TULP4: variants seen among roughly 807,000 people sequenced by gnomAD.
TULP4 encodes the protein tubby-related protein 4.
Under a neutral mutation model 129.0 loss-of-function variants are expected in TULP4, and 16 were observed. The ratio of observed to expected loss-of-function variants is 0.12; its 90% CI spans 0.08 to 0.19. The LOEUF (loss-of-function observed/expected upper bound fraction) is 0.19. Ranked by LOEUF, TULP4 falls within the 10% of genes least tolerant of loss-of-function variation. The pLI is 1.00. For missense variants in TULP4, 1,842 were observed against 2,059.1 expected (o/e 0.89, Z 2.04); for synonymous variants, 998 against 854.0 (o/e 1.17, Z -2.94).
At chr6:158,316,353 G>T (rs975153030) in intron 1 of TULP4, among the ~76,000 whole-genome samples, 1 of 152,160 alleles carries the variant, frequency 6.6e-6, no homozygotes, top group East Asian at 1.9e-4. Flanking sequence ...CAAAGTGGTT[G>T]TACTATTTAC....
Position 158,288,859 on chromosome 6 carries a change from C to G in TULP4, n.116+6481C>G, listed in dbSNP as rs574630063. Among the ~76,000 whole-genome samples, 6 of 152,258 alleles carry G rather than the reference C, an allele frequency of 3.9e-5. No individual in the cohort carries two copies. The South Asian group carries it at 1.2e-3, about 32-fold the overall frequency. ...TATTGCAATAATCTTTTTCCCTGCT[C>G]TTTACTCTTTTAGTATGATGAATTA... On this transcript the variant is annotated intron_variant and non_coding_transcript_variant, in intron 1 of 1. Transcript: ENST00000432358.
At chr6:158,464,613 C>T (rs1370368375) in intron 6 of TULP4, among the ~76,000 whole-genome samples, 3 of 152,190 alleles carry the variant, frequency 2.0e-5, no homozygotes, top group Non-Finnish European at 4.4e-5. Context: ...GTTGACCAGG[C>T]TGGTCTCCAA....
chr6:158,237,373 T>G, intron 1 of TULP4: 1 of 1,612,592 alleles, frequency 6.2e-7, no homozygotes, highest in Non-Finnish European at 8.5e-7. Flanking sequence ...CTTTTTCTGT[T>G]GCTGTTTCTT....
At chr6:158,379,613 A>C (rs1480590389) in intron 1 of TULP4, among the ~76,000 whole-genome samples, 1 of 152,188 alleles carries the variant, frequency 6.6e-6, no homozygotes. Flanking sequence ...TAACCTCAAC[A>C]ACTGTATCAG....
rs372708318 is a variant in TULP4, at chr6:158,445,071, C to T, written c.544-3925C>T. Reference sequence around the variant, plus strand: ...TCAAGTGATCCTCCCATCTCAGGTTCTCAAAGTGCTGGGATTACAGGTGTG... The same window carrying T: ...TCAAGTGATCCTCCCATCTCAGGTTTTCAAAGTGCTGGGATTACAGGTGTG... On this transcript the variant is annotated intron_variant, in intron 3 of 13. Transcript: ENST00000367097. Among the ~76,000 whole-genome samples the T allele has an allele frequency of 7.9e-5, 12 of 152,312 alleles. No homozygotes were observed. In the South Asian group the frequency reaches 1.2e-3, roughly 16 times the overall value.
Position 158,461,585 on chromosome 6 carries a change from A to G in TULP4, c.882A>G (p.Thr294=). 6.2e-7 allele frequency: 1 copy of G among 1,613,714 alleles called. No homozygotes were observed. The highest frequency in any genetic ancestry group is 8.5e-7 in the Non-Finnish European group (1 of 1,179,850). ...CAGAGGTGGTAGCCCAGTGGTGCAC[A>G]CAGGGGGACTTGCTGGCAGTCGCTG... is the stretch of plus-strand genomic sequence containing the variant. ...GLKEVVAQWC[T]QGDLLAVAGM... Residue 294 remains threonine, a synonymous_variant, in exon 6 of 14, where the codon ACA becomes ACG. Coordinates refer to ENST00000367097, the MANE Select transcript of TULP4 (RefSeq NM_020245.5).
At position 158,261,746 on chromosome 6, in the gene TULP4, T is replaced by C. The variant is rs544481267; in HGVS notation, n.68+29443T>C. Among the ~76,000 whole-genome samples the C allele has an allele frequency of 7.9e-5, 12 of 152,286 alleles. No individual in the cohort carries two copies. The South Asian group carries it at 1.2e-3, about 16-fold the overall frequency. On this transcript the variant is annotated intron_variant and non_coding_transcript_variant, in intron 1 of 1. Transcript: ENST00000620026. ...GGCTGGTGGGCGTGGGCTGGTTGCA[T>C]GGCTCCTGCTGATCAGGGTTCCAGG...
At chr6:158,358,825 G>A (rs1780703990) in intron 1 of TULP4, among the ~76,000 whole-genome samples, 1 of 152,140 alleles carries the variant, frequency 6.6e-6, no homozygotes, top group African/African-American at 2.4e-5. Flanking sequence ...GATAGGTAAC[G>A]AGGTTTCCTG....
chr6:158,388,676 A>G (rs341141), intron 1 of TULP4, among the ~76,000 whole-genome samples: 72,331 of 150,558 alleles, frequency 0.48, 18,092 homozygotes, highest in African/African-American at 0.62. Flanking sequence ...AAATGCCTGC[A>G]TCATAGGTAT....
intron 1 of TULP4, among the ~76,000 whole-genome samples, chr6:158,383,116 T>A (rs2114920442): frequency 6.6e-6 from 1 of 152,288 alleles, no homozygotes; most frequent in African/African-American, 2.4e-5. Context: ...CCTCTTGCCT[T>A]AGACCATTCT....
intron 13 of TULP4, among the ~76,000 whole-genome samples, chr6:158,505,765 C>G (rs1005893413): frequency 2.0e-5 from 3 of 152,192 alleles, no homozygotes; most frequent in Non-Finnish European, 4.4e-5. Flanking sequence ...CTTCTGGAGC[C>G]TCTGGCCTGT....
Position 158,503,175 on chromosome 6 carries a change from C to G in TULP4, c.3512C>G (p.Pro1171Arg), listed in dbSNP as rs182840540. 1 of 1,613,772 alleles carries G rather than the reference C, an allele frequency of 6.2e-7. No individual in the cohort carries two copies. ...GTGTCCCGACTGCCCTTCATCTCCC[C>G]CAAGTCTCCTGCCAGCCCCACTGCC... ...LDVSRLPFIS[P>R]KSPASPTATF... The change falls in exon 13 of 14, where the codon CCC becomes CGC. Residue 1171 changes from proline (P) to arginine (R), a missense_variant. Physicochemically the swap from Pro to Arg is moderately radical, Grantham distance 103. Around this residue, in one of 5 missense-constraint regions of TULP4, gnomAD observed 1,089 missense variants for 987.1 expected, o/e 1.10. Transcript: ENST00000367097. This position sits in a 1 kb window ranked among gnomAD's most constrained non-coding sequence, Gnocchi z 4.3.
chr6:158,404,086 C>G (rs1777918028), intron 1 of TULP4, among the ~76,000 whole-genome samples: 2 of 152,346 alleles, frequency 1.3e-5, no homozygotes, highest in Middle Eastern at 6.8e-3. Flanking sequence ...ATGTCAGTCT[C>G]CACTCATGCT....
intron 1 of TULP4, among the ~76,000 whole-genome samples, chr6:158,353,014 T>G (rs1422817323): frequency 6.6e-6 from 1 of 152,240 alleles, no homozygotes; most frequent in Non-Finnish European, 1.5e-5. Flanking sequence ...TTATTCGAAG[T>G]AGGCAAGCCT....
chr6:158,363,787 G>GATT (rs1780855360), intron 1 of TULP4, among the ~76,000 whole-genome samples: 3 of 151,674 alleles, frequency 2.0e-5, no homozygotes, highest in South Asian at 4.2e-4. Flanking sequence ...GCAAGGCCGC[G>GATT]TGTTTTTTTT....
intron 1 of TULP4, chr6:158,242,532 A>G (rs1172195917): frequency 2.7e-6 from 2 of 752,902 alleles, no homozygotes; most frequent in African/African-American, 1.7e-5. Context: ...TACTGTCTTC[A>G]AGACATTCTC....
chr6:158,238,889 C>G (rs1323562446), intron 1 of TULP4, among the ~76,000 whole-genome samples: 1 of 105,800 alleles, frequency 9.5e-6, no homozygotes, highest in East Asian at 3.3e-4. Flanking sequence ...TCCCGCCTTT[C>G]TATTCCACAA....
intron 1 of TULP4, among the ~76,000 whole-genome samples, chr6:158,365,026 C>A (rs941624028): frequency 6.6e-6 from 1 of 151,928 alleles, no homozygotes; most frequent in Admixed American, 6.6e-5. Context: ...TGAGCCACCG[C>A]GCCCAGCCCC....
At chr6:158,445,000 G>C (rs900089933) in intron 3 of TULP4, among the ~76,000 whole-genome samples, 12 of 152,036 alleles carry the variant, frequency 7.9e-5, no homozygotes, top group African/African-American at 2.9e-4. Context: ...TTTTTTAGAG[G>C]ACAGGGTCTC....
Sources: gnomAD v4.1 joint callset for allele counts (sites outside exome capture counted in the v4.1 genomes callset) on GRCh38, gnomAD v4.1.1 for gene constraint, gnomAD v4.1.1 regional missense constraint, Gnocchi (gnomAD v3.1) non-coding constraint, MANE v1.5 for transcripts, NCBI Gene and HGNC (gene_info 2026-07-23, HGNC 2026-07-21) for gene names.